The following IL4I1 variants were observed in gnomAD, a reference collection of about 807,000 sequenced individuals.
IL4I1 encodes L-amino-acid oxidase.
A neutral mutation model predicts 29.7 loss-of-function variants in IL4I1; 24 were observed. That is an observed-to-expected ratio of 0.81 (90% CI 0.59 to 1.14). IL4I1 has a LOEUF of 1.14. Ranked by LOEUF, IL4I1 falls within the 50% of genes most tolerant of loss-of-function variation. The pLI, the probability that IL4I1 is intolerant of heterozygous loss-of-function variation, is 0.00. For missense variants in IL4I1, 686 were observed against 785.6 expected, an observed-to-expected ratio of 0.87 and a Z score of 1.52; for synonymous variants, 371 against 352.5, an observed-to-expected ratio of 1.05 and a Z score of -0.59.
At chr19:49,900,054 C>T (rs1299558227), upstream of IL4I1, among the ~76,000 whole-genome samples, 1 of 152,158 alleles carries the variant, frequency 6.6e-6, no homozygotes, top group African/African-American at 2.4e-5. Flanking sequence ...CCAGCCTGGT[C>T]TCAAACTCCT....
chr19:49,890,274 TC>T lies in IL4I1; in HGVS notation c.1099del (p.Glu367SerfsTer16). The T allele has an allele frequency of 6.3e-7, 1 of 1,591,610 alleles. No homozygotes were observed. The highest frequency in any genetic ancestry group is 8.5e-7 in the Non-Finnish European group (1 of 1,169,922). ...GTTTGAGTGGCCGCCTTCAATGTGC[TC>T]CTCGCGCCAGAAGGGCCTGCGGAAG... ...LSFRRPFWRE[E>X]HIEGGHSNTD... is the part of the protein sequence containing the mutation. On this transcript the variant is annotated frameshift_variant, in exon 8 of 8. Coordinates refer to ENST00000391826, the MANE Select transcript of IL4I1 (RefSeq NM_152899.2). LOFTEE classifies it low-confidence loss of function (END_TRUNC).
At chr19:49,901,556 G>A, upstream of IL4I1, 2 of 920,428 alleles carry the variant, frequency 2.2e-6, 1 homozygote. Context: ...TCTTTGGCCT[G>A]ACCCCAGGAC....
chr19:49,916,376 C>T (rs866235721), intron 2 of IL4I1, among the ~76,000 whole-genome samples: 16 of 142,198 alleles, frequency 1.1e-4, no homozygotes, highest in South Asian at 6.6e-4. Flanking sequence ...TTTTTTGAGA[C>T]GGAGTCTCGC....
chr19:49,908,243 T>A, intron 2 of IL4I1: 2 of 1,613,108 alleles, frequency 1.2e-6, no homozygotes, highest in Non-Finnish European at 1.7e-6. Flanking sequence ...TGTCGCTCAG[T>A]CAAAGGTGAT....
At chr19:49,902,391 G>A (rs1446104176) in intron 3 of IL4I1, among the ~76,000 whole-genome samples, 11 of 139,544 alleles carry the variant, frequency 7.9e-5, no homozygotes, top group Non-Finnish European at 1.2e-4. Context: ...ATGGAGTCTC[G>A]CTCAGTTGCC....
At chr19:49,908,441 T>C in intron 2 of IL4I1, 1 of 1,614,130 alleles carries the variant, frequency 6.2e-7, no homozygotes, top group Non-Finnish European at 8.5e-7. Flanking sequence ...GTTCAGGTGC[T>C]CGATGATGTC....
At chr19:49,910,253 C>T (rs906874851) in intron 2 of IL4I1, among the ~76,000 whole-genome samples, 5 of 152,034 alleles carry the variant, frequency 3.3e-5, no homozygotes, top group African/African-American at 4.8e-5. Context: ...CTGCTCCCAG[C>T]GTGGGACCCA....
chr19:49,928,212 G>A (rs553544780), intron 1 of IL4I1: 2 of 152,344 alleles, frequency 1.3e-5, no homozygotes, highest in South Asian at 2.1e-4. Flanking sequence ...GGGCCCCAGA[G>A]TTCCTATTAA....
chr19:49,905,276 CG>C (rs1456703415), intron 2 of IL4I1, among the ~76,000 whole-genome samples: 1 of 152,228 alleles, frequency 6.6e-6, no homozygotes, highest in African/African-American at 2.4e-5. Context: ...CCCCTGCCAA[CG>C]ACCTTGTGGG....
chr19:49,905,008 C>T (rs908304895), intron 2 of IL4I1, among the ~76,000 whole-genome samples: 1 of 152,138 alleles, frequency 6.6e-6, no homozygotes, highest in Non-Finnish European at 1.5e-5. Flanking sequence ...CCGTGCCCAG[C>T]CCCTAATTTT....
At chr19:49,902,359 CTTTT>C (rs1207280960) in intron 3 of IL4I1, among the ~76,000 whole-genome samples, 2 of 118,626 alleles carry the variant, frequency 1.7e-5, no homozygotes, top group African/African-American at 3.1e-5. Flanking sequence ...GCAGCCATTT[CTTTT>C]TTTTTTTTTT....
chr19:49,908,449 G>A, intron 2 of IL4I1: 1 of 1,614,148 alleles, frequency 6.2e-7, no homozygotes, highest in Non-Finnish European at 8.5e-7. Flanking sequence ...GCTCGATGAT[G>A]TCCTTGAGAT....
At chr19:49,901,836 T>A (rs2075274656), upstream of IL4I1, 1 of 583,302 alleles carries the variant, frequency 1.7e-6, no homozygotes, top group African/African-American at 1.9e-5. Context: ...GAAAGGCAGG[T>A]CCCCCTTTCT....
intron 2 of IL4I1, among the ~76,000 whole-genome samples, chr19:49,914,129 G>A (rs992943388): frequency 6.6e-6 from 1 of 152,186 alleles, no homozygotes; most frequent in South Asian, 2.1e-4. Context: ...CAGGAGGATT[G>A]CTTAAGCCCA....
intron 2 of IL4I1, among the ~76,000 whole-genome samples, chr19:49,924,922 C>T (rs2075849982): frequency 6.6e-6 from 1 of 152,174 alleles, no homozygotes; most frequent in African/African-American, 2.4e-5. Flanking sequence ...GCATAAACCG[C>T]ACATAGCCAG....
intron 2 of IL4I1, chr19:49,909,031 C>T (rs1355974029): frequency 3.1e-6 from 5 of 1,613,120 alleles, no homozygotes; most frequent in Admixed American, 1.7e-5. Flanking sequence ...CTCCAGGTGC[C>T]TTTAAGCTGA....
At chr19:49,910,054 C>T (rs894124052) in intron 2 of IL4I1, among the ~76,000 whole-genome samples, 2 of 152,116 alleles carry the variant, frequency 1.3e-5, no homozygotes, top group Admixed American at 6.5e-5. Context: ...CAAAAGCACG[C>T]CCCAGGGGTC....
intron 1 of IL4I1, among the ~76,000 whole-genome samples, chr19:49,896,610 T>G (rs2075214491): frequency 6.6e-6 from 1 of 152,132 alleles, no homozygotes; most frequent in Non-Finnish European, 1.5e-5. Context: ...ATTTTTGTAT[T>G]TTTAGTAGAG....
In IL4I1 at chr19:49,890,271, T is replaced by C; in HGVS notation, c.1103A>G (p.His368Arg). 6.3e-7 allele frequency: 1 copy of C among 1,589,438 alleles called. No homozygotes were observed. The highest frequency in any genetic ancestry group is 8.6e-7 in the Non-Finnish European group (1 of 1,168,804). ...GGTGTTTGAGTGGCCGCCTTCAATGTGCTCCTCGCGCCAGAAGGGCCTGCG... is the reference window on the plus strand; with the variant it reads ...GGTGTTTGAGTGGCCGCCTTCAATGCGCTCCTCGCGCCAGAAGGGCCTGCG... ...SFRRPFWREE[H>R]IEGGHSNTDR... Residue 368 changes from histidine (H) to arginine (R), a missense_variant, in exon 8 of 8, where the codon CAC becomes CGC. Physicochemically the swap from His to Arg is conservative, Grantham distance 29 (BLOSUM62 0). Coordinates refer to ENST00000391826, the MANE Select transcript of IL4I1 (RefSeq NM_152899.2).
Sources: gnomAD v4.1 joint callset for allele counts (sites outside exome capture counted in the v4.1 genomes callset) on GRCh38, gnomAD v4.1.1 for gene constraint, MANE v1.5 for transcripts, NCBI Gene and HGNC (gene_info 2026-07-23, HGNC 2026-07-21) for gene names.